The following ZNF407 variants were observed in gnomAD, a reference collection of about 807,000 sequenced individuals.
ZNF407 encodes zinc finger protein 407.
Under a neutral mutation model 131.2 loss-of-function variants are expected in ZNF407, and 17 were observed. The observed-to-expected ratio is 0.13, with a 90% CI of 0.09 to 0.19. The LOEUF is 0.19. Ranked by LOEUF, ZNF407 falls within the 10% of genes least tolerant of loss-of-function variation. The pLI is 1.00. For synonymous variants in ZNF407, 1,156 were observed against 1,062.0 expected (o/e 1.09, Z -1.72); for missense variants, 2,681 against 2,830.6 (o/e 0.95, Z 1.20).
intron 3 of ZNF407, among the ~76,000 whole-genome samples, chr18:74,769,705 T>C (rs1178313253): frequency 2.6e-5 from 4 of 152,238 alleles, no homozygotes; most frequent in Non-Finnish European, 2.9e-5. Context: ...GGTTTTTGCA[T>C]GTGGGATGCA....
At chr18:75,045,681 G>C (rs1973426750) in intron 8 of ZNF407, among the ~76,000 whole-genome samples, 1 of 152,154 alleles carries the variant, frequency 6.6e-6, no homozygotes, top group African/African-American at 2.4e-5. Context: ...TTTGTTCTCT[G>C]TTATAATACT....
intron 4 of ZNF407, among the ~76,000 whole-genome samples, chr18:74,802,740 T>C (rs1205127122): frequency 1.3e-5 from 2 of 152,230 alleles, no homozygotes; most frequent in African/African-American, 4.8e-5. Flanking sequence ...TTAAATTGCA[T>C]ATTTTTATGT....
intron 3 of ZNF407, among the ~76,000 whole-genome samples, chr18:74,729,642 C>T (rs539875705): frequency 1.2e-4 from 18 of 152,224 alleles, no homozygotes; most frequent in Non-Finnish European, 2.5e-4. Context: ...TAAGTTCATT[C>T]ATAAAATGTG....
chr18:74,630,306 G>A (rs1169375697), intron 1 of ZNF407, among the ~76,000 whole-genome samples: 2 of 151,952 alleles, frequency 1.3e-5, no homozygotes, highest in African/African-American at 2.4e-5. Flanking sequence ...GAGTAGCTGG[G>A]ACTACAGGCG....
intron 8 of ZNF407, among the ~76,000 whole-genome samples, chr18:75,040,364 C>T (rs1006477285): frequency 1.3e-5 from 2 of 152,070 alleles, no homozygotes; most frequent in Non-Finnish European, 2.9e-5. Flanking sequence ...TGAGTGGCTA[C>T]GGGTTGATTC....
chr18:74,654,160 T>C (rs1009990629), intron 3 of ZNF407, among the ~76,000 whole-genome samples: 1 of 151,838 alleles, frequency 6.6e-6, no homozygotes, highest in Non-Finnish European at 1.5e-5. Flanking sequence ...AAATTTGTTA[T>C]TGAAGGACCA....
At chr18:75,061,089 A>C (rs7232849) in intron 8 of ZNF407, among the ~76,000 whole-genome samples, 1,976 of 152,354 alleles carry the variant, frequency 0.013, 35 homozygotes, top group African/African-American at 0.037. Flanking sequence ...TTCTTGCAGA[A>C]CACCACCAAC....
chr18:74,931,456 T>G (rs1971981599), intron 8 of ZNF407, among the ~76,000 whole-genome samples: 1 of 152,190 alleles, frequency 6.6e-6, no homozygotes, highest in African/African-American at 2.4e-5. Flanking sequence ...ATGGAAAATA[T>G]GCTCAACACC....
At position 75,063,226 on chromosome 18, in the gene ZNF407, C is replaced by T. The variant is rs148026190; in HGVS notation, c.5505C>T (p.Thr1835=). 4.3e-4 allele frequency: 695 copies of T among 1,613,318 alleles called. 1 individual carries two copies. The African/African-American group carries it at 7.6e-3, about 18-fold the overall frequency. ...TCGTGGAGACAGACAGCCCCTTCAC[C>T]GCGGCGGCCTTGGCAGAAGAGCCCC... is the stretch of plus-strand genomic sequence containing the variant. The part of the protein sequence containing the change: ...ATFVETDSPF[T]AAALAEEPLV... Residue 1835 remains threonine (T), a synonymous_variant, in exon 9 of 9, where the codon ACC becomes ACT. Transcript: ENST00000299687. This position sits in a 1 kb window ranked among gnomAD's most constrained non-coding sequence, Gnocchi z 6.6.
At chr18:74,673,273 C>CAGTTTCACG (rs1986223528) in intron 3 of ZNF407, among the ~76,000 whole-genome samples, 1 of 152,138 alleles carries the variant, frequency 6.6e-6, no homozygotes, top group Non-Finnish European at 1.5e-5. Context: ...ATTCTGAAGT[C>CAGTTTCACG]AGTTTCACGA....
chr18:74,617,136 ACACCACACACATCCATATCCACG>A (rs1983345213), intron 1 of ZNF407, among the ~76,000 whole-genome samples: 3 of 3,702 alleles, frequency 8.1e-4, no homozygotes, highest in Admixed American at 3.4e-3. Context: ...CCATATCCAC[ACACCACACACATCCATATCCACG>A]CACCACACAC....
intron 4 of ZNF407, among the ~76,000 whole-genome samples, chr18:74,784,724 A>G (rs1300937165): frequency 6.6e-6 from 1 of 152,276 alleles, no homozygotes; most frequent in East Asian, 1.9e-4. Context: ...TCGCTATTTT[A>G]AATGAGTAAT....
chr18:74,817,224 T>C (rs1427311709), intron 4 of ZNF407, among the ~76,000 whole-genome samples: 1 of 152,232 alleles, frequency 6.6e-6, no homozygotes, highest in African/African-American at 2.4e-5. Context: ...TTTTGCAGTT[T>C]GGATTTCTGA....
chr18:74,891,443 C>T (rs910708011), intron 7 of ZNF407, among the ~76,000 whole-genome samples: 8 of 152,174 alleles, frequency 5.3e-5, no homozygotes, highest in Admixed American at 3.9e-4. Flanking sequence ...ATCTAGCCTA[C>T]GCGTTTAGCA....
In ZNF407 at chr18:74,680,757, CCTTT is replaced by C. The variant is rs773980822; in HGVS notation, c.4802+39640_4802+39643del. On this transcript the variant is annotated intron_variant, in intron 3 of 8. Coordinates refer to ENST00000299687, the MANE Select transcript of ZNF407 (RefSeq NM_017757.3). ...CTTAGTGTTTACCTCATCTCCCTGG[CCTTT>C]CTTTTTATTTCCAGAACTAATAAAA... 4.6e-5 allele frequency among the ~76,000 whole-genome samples: 7 copies of C among 152,042 alleles called. No homozygotes were observed. In the East Asian group the frequency reaches 1.4e-3, roughly 29 times the overall value.
intron 4 of ZNF407, among the ~76,000 whole-genome samples, chr18:74,863,435 G>A (rs750929382): frequency 3.3e-5 from 5 of 151,948 alleles, no homozygotes; most frequent in South Asian, 4.2e-4. Flanking sequence ...TCAACATGAG[G>A]ACAAGTGTTT....
chr18:74,861,482 T>C (rs774407101), intron 4 of ZNF407, among the ~76,000 whole-genome samples: 2 of 152,208 alleles, frequency 1.3e-5, no homozygotes, highest in African/African-American at 2.4e-5. Flanking sequence ...CATTCCTTGA[T>C]TGGCAAGGAG....
At chr18:74,994,216 C>G (rs1319813415) in intron 8 of ZNF407, among the ~76,000 whole-genome samples, 3 of 151,502 alleles carry the variant, frequency 2.0e-5, no homozygotes, top group Non-Finnish European at 4.4e-5. Context: ...AGCATCAGTT[C>G]TTCAGCTTAC....
intron 8 of ZNF407, among the ~76,000 whole-genome samples, chr18:74,970,011 G>A (rs1032161582): frequency 6.6e-6 from 1 of 152,004 alleles, no homozygotes; most frequent in African/African-American, 2.4e-5. Context: ...TAAAACTGGC[G>A]GGGGTGAAAG....
Sources: gnomAD v4.1 joint callset for allele counts (sites outside exome capture counted in the v4.1 genomes callset) on GRCh38, gnomAD v4.1.1 for gene constraint, Gnocchi (gnomAD v3.1) non-coding constraint, MANE v1.5 for transcripts, NCBI Gene and HGNC (gene_info 2026-07-23, HGNC 2026-07-21) for gene names.